The following FHOD3 variants were observed in gnomAD, a reference collection of about 807,000 sequenced individuals.
FHOD3 encodes FH1/FH2 domain-containing protein 3.
A neutral mutation model predicts 173.0 loss-of-function variants in FHOD3; 90 were observed. The observed-to-expected ratio is 0.52, with a 90% CI of 0.44 to 0.62. The LOEUF is 0.62. Ranked by LOEUF, FHOD3 falls within the 20% of genes least tolerant of loss-of-function variation. FHOD3 has a pLI of 0.00. For synonymous variants in FHOD3, 828 were observed against 823.0 expected (o/e 1.01, Z -0.10); for missense variants, 1,945 against 2,034.7 (o/e 0.96, Z 0.85).
intron 17 of FHOD3, among the ~76,000 whole-genome samples, chr18:36,700,320 G>A (rs898268757): frequency 1.3e-5 from 2 of 152,240 alleles, no homozygotes; most frequent in Non-Finnish European, 1.5e-5. Context: ...GACCCACCAA[G>A]TGCCAGGCTG....
chr18:36,334,244 T>C (rs867800875), intron 1 of FHOD3, among the ~76,000 whole-genome samples: 9 of 152,358 alleles, frequency 5.9e-5, no homozygotes, highest in African/African-American at 2.2e-4. Context: ...ACATTTTTAA[T>C]AATACTTATT....
intron 10 of FHOD3, among the ~76,000 whole-genome samples, chr18:36,634,432 T>C (rs1189128435): frequency 6.6e-6 from 1 of 152,124 alleles, no homozygotes; most frequent in Non-Finnish European, 1.5e-5. Context: ...CCACAAAACT[T>C]CATTGCCAGG....
intron 11 of FHOD3, among the ~76,000 whole-genome samples, chr18:36,652,055 T>C (rs1184569629): frequency 1.3e-5 from 2 of 152,250 alleles, no homozygotes; most frequent in Non-Finnish European, 2.9e-5. Flanking sequence ...CCTTTTCTCT[T>C]AGCCATACCT....
At chr18:36,607,287 A>G (rs1465162235) in intron 8 of FHOD3, among the ~76,000 whole-genome samples, 1 of 151,956 alleles carries the variant, frequency 6.6e-6, no homozygotes, top group Non-Finnish European at 1.5e-5. Context: ...TATGGCTTGT[A>G]CCTTCCAGAG....
chr18:36,720,911 A>C (rs895810119), intron 19 of FHOD3, among the ~76,000 whole-genome samples: 2 of 152,136 alleles, frequency 1.3e-5, no homozygotes, highest in South Asian at 4.1e-4. Context: ...TGGGAGGAAT[A>C]AAATGGAGTA....
chr18:36,757,861 T>C (rs2042697724), intron 25 of FHOD3, among the ~76,000 whole-genome samples: 1 of 152,194 alleles, frequency 6.6e-6, no homozygotes, highest in South Asian at 2.1e-4. Context: ...ACGAGGCACC[T>C]ACAGCCTTTC....
chr18:36,474,331 G>A (rs1178747826), intron 3 of FHOD3, among the ~76,000 whole-genome samples: 1 of 152,184 alleles, frequency 6.6e-6, no homozygotes, highest in Non-Finnish European at 1.5e-5. Context: ...GGAGGGATAT[G>A]CGCATGATGG....
intron 17 of FHOD3, among the ~76,000 whole-genome samples, chr18:36,694,181 CTT>C (rs1395886148): frequency 6.6e-6 from 1 of 152,208 alleles, no homozygotes; most frequent in Admixed American, 6.5e-5. Flanking sequence ...GCACTGTTTG[CTT>C]TAGTCAAGTG....
intron 17 of FHOD3, among the ~76,000 whole-genome samples, chr18:36,693,663 A>G (rs1489308631): frequency 6.6e-6 from 1 of 152,218 alleles, no homozygotes; most frequent in Non-Finnish European, 1.5e-5. Context: ...CCATGGAAAA[A>G]GGAGAATATG....
chr18:36,455,384 G>A (rs2052123819), intron 3 of FHOD3, among the ~76,000 whole-genome samples: 1 of 152,128 alleles, frequency 6.6e-6, no homozygotes, highest in Non-Finnish European at 1.5e-5. Flanking sequence ...GTTCTGGGAT[G>A]GGATAGGAGC....
intron 6 of FHOD3, among the ~76,000 whole-genome samples, chr18:36,577,622 G>A (rs780417852): frequency 3.9e-5 from 6 of 152,202 alleles, no homozygotes; most frequent in African/African-American, 7.2e-5. Context: ...TTTTATAAGC[G>A]TGATCTCATT....
chr18:36,481,020 G>GTT (rs35793521), intron 3 of FHOD3, among the ~76,000 whole-genome samples: 5,292 of 103,938 alleles, frequency 0.051, 132 homozygotes, highest in Non-Finnish European at 0.067. Context: ...TTGGGAGGTG[G>GTT]TTTTTTTTTT....
chr18:36,325,002 T>TAACCTGAAA (rs1362189801), intron 1 of FHOD3, among the ~76,000 whole-genome samples: 50 of 152,236 alleles, frequency 3.3e-4, no homozygotes, highest in Non-Finnish European at 2.4e-4. Context: ...AAAATGAATG[T>TAACCTGAAA]ATGGTTATAT....
At chr18:36,546,163 T>C (rs1303690779) in intron 5 of FHOD3, among the ~76,000 whole-genome samples, 3 of 152,252 alleles carry the variant, frequency 2.0e-5, no homozygotes, top group Non-Finnish European at 4.4e-5. Context: ...TGGCTCTGGC[T>C]GGTGTTACAT....
At chr18:36,759,087 C>A in intron 25 of FHOD3, 31 bp from the exon 26 acceptor site, 1 of 1,535,638 alleles carries the variant, frequency 6.5e-7, no homozygotes, top group Non-Finnish European at 8.7e-7. Context: ...TCTGTCTTTT[C>A]CGTCCTGTCC....
At chr18:36,408,920 C>T (rs1427015851) in intron 3 of FHOD3, among the ~76,000 whole-genome samples, 4 of 152,070 alleles carry the variant, frequency 2.6e-5, no homozygotes, top group Non-Finnish European at 4.4e-5. Context: ...GTCACAATGG[C>T]GATAGGTTGA....
At chr18:36,526,428 C>CTTT (rs35677759) in intron 5 of FHOD3, among the ~76,000 whole-genome samples, 5 of 150,306 alleles carry the variant, frequency 3.3e-5, no homozygotes, top group Admixed American at 1.3e-4. Context: ...CATAATTCAG[C>CTTT]TTTTTTTTTT....
intron 17 of FHOD3, among the ~76,000 whole-genome samples, chr18:36,693,720 C>A (rs1317529618): frequency 6.6e-6 from 1 of 152,162 alleles, no homozygotes; most frequent in African/African-American, 2.4e-5. Flanking sequence ...CTGGAATATT[C>A]ATTTAATACT....
chr18:36,759,025 T>C, intron 25 of FHOD3, 93 bp from the exon 26 acceptor site: 1 of 1,360,382 alleles, frequency 7.4e-7, no homozygotes, highest in East Asian at 2.5e-5. Flanking sequence ...TGGAATTTTA[T>C]GTGACATTGC....
Sources: allele counts gnomAD v4.1 joint callset (sites outside exome capture counted in the v4.1 genomes callset), GRCh38; gene constraint gnomAD v4.1.1; transcripts MANE v1.5; gene names NCBI Gene and HGNC (gene_info 2026-07-23, HGNC 2026-07-21).